C1orf94: variants seen among roughly 807,000 people sequenced by gnomAD.
The protein encoded by C1orf94 is uncharacterized protein C1orf94.
In C1orf94, 45 loss-of-function variants were observed where a neutral mutation model predicts 53.6. The ratio of observed to expected loss-of-function variants is 0.84; its 90% CI spans 0.66 to 1.08. The LOEUF is 1.08. Among genes scored for constraint, C1orf94 ranks in the 50% least tolerant of loss-of-function variants. C1orf94 has a pLI of 0.00. For missense variants in C1orf94, 762 were observed against 738.9 expected, an observed-to-expected ratio of 1.03 and a Z score of -0.36; for synonymous variants, 304 against 296.1, an observed-to-expected ratio of 1.03 and a Z score of -0.27.
At chr1:34,169,634 AGT>A (rs762673582) in intron 1 of C1orf94, among the ~76,000 whole-genome samples, 13,644 of 56,026 alleles carry the variant, frequency 0.24, 1,446 homozygotes, top group Middle Eastern at 0.35. Context: ...AGAGAGAGAG[AGT>A]GAGCAAATGG....
chr1:34,187,491 G>A (rs1265894616), intron 1 of C1orf94, among the ~76,000 whole-genome samples: 1 of 151,978 alleles, frequency 6.6e-6, no homozygotes, highest in Non-Finnish European at 1.5e-5. Flanking sequence ...CGCAGGTTGT[G>A]GGAGCCTGCA....
chr1:34,176,210 C>T (rs1642223339), upstream of C1orf94, among the ~76,000 whole-genome samples: 1 of 152,106 alleles, frequency 6.6e-6, no homozygotes, highest in Non-Finnish European at 1.5e-5. Context: ...AAATGAGTGT[C>T]AGGATTCAAC....
At position 34,219,057 on chromosome 1, in the gene C1orf94, TG is replaced by T. The variant is rs1643040914; in HGVS notation, c.*297del. The T allele has an allele frequency of 8.6e-6, 2 of 233,510 alleles. No homozygotes were observed. Among genetic ancestry groups the T allele is most frequent in the Non-Finnish European group, 1.6e-5 (2 of 121,314 alleles). 14.5% of individuals were successfully genotyped at this position (233,510 alleles called of 1,614,324 possible). ...CATGAGTGATTTTTGTTTTTGTTTT[TG>T]TTGGTAAAATAGAAGTAAGACACTT... On this transcript the variant is annotated 3_prime_UTR_variant, in exon 7 of 7. Coordinates refer to ENST00000488417, the MANE Select transcript of C1orf94 (RefSeq NM_001134734.2).
At chr1:34,199,617 G>A (rs549038744) in intron 2 of C1orf94, among the ~76,000 whole-genome samples, 3 of 152,316 alleles carry the variant, frequency 2.0e-5, no homozygotes, top group East Asian at 3.9e-4. Flanking sequence ...GACAGATCCC[G>A]GTGCCTGCTA....
At chr1:34,174,208 C>G (rs1204310015), upstream of C1orf94, among the ~76,000 whole-genome samples, 1 of 152,194 alleles carries the variant, frequency 6.6e-6, no homozygotes, top group Non-Finnish European at 1.5e-5. Flanking sequence ...CACAATTCTC[C>G]CTCTCTACAC....
chr1:34,173,685 T>C (rs1642181000), upstream of C1orf94, among the ~76,000 whole-genome samples: 1 of 152,224 alleles, frequency 6.6e-6, no homozygotes, highest in Non-Finnish European at 1.5e-5. Flanking sequence ...AGGTCAGTAT[T>C]TTATTGTCTC....
intron 1 of C1orf94, among the ~76,000 whole-genome samples, chr1:34,196,549 A>C (rs995195718): frequency 3.8e-4 from 58 of 152,186 alleles, no homozygotes; most frequent in African/African-American, 1.4e-3. Context: ...ACAGTGGTGT[A>C]AACATGAGAG....
At chr1:34,184,877 G>A (rs1419009622) in intron 1 of C1orf94, among the ~76,000 whole-genome samples, 3 of 152,104 alleles carry the variant, frequency 2.0e-5, no homozygotes, top group South Asian at 2.1e-4. Flanking sequence ...GAAACCTGGT[G>A]ATGGGAGTGA....
At chr1:34,187,867 A>G (rs55852024) in intron 1 of C1orf94, among the ~76,000 whole-genome samples, 49,563 of 148,162 alleles carry the variant, frequency 0.33, 8,559 homozygotes, top group South Asian at 0.47. Context: ...ACATTGTGGG[A>G]AGCAGGGTAT....
chr1:34,209,683 C>G (rs79330640), intron 5 of C1orf94, among the ~76,000 whole-genome samples: 1 of 152,144 alleles, frequency 6.6e-6, no homozygotes, highest in African/African-American at 2.4e-5. Context: ...GGGTAGGGAG[C>G]CTTGTTACCT....
Position 34,217,219 on chromosome 1 carries a change from G to A in C1orf94, c.1722-1467G>A, listed in dbSNP as rs532031148. On this transcript the variant is annotated intron_variant, in intron 6 of 6. Transcript: ENST00000488417. ...CAGGAAGCATTACTTGTTAACTCTC[G>A]TCCACACAGATTGCTCCTCTTCCTG... Among the ~76,000 whole-genome samples the A allele has an allele frequency of 4.0e-3, 611 of 152,218 alleles. 3 individuals are homozygous for A. Among genetic ancestry groups the A allele is most frequent in the Non-Finnish European group, 7.1e-3 (483 of 68,016 alleles).
intron 1 of C1orf94, among the ~76,000 whole-genome samples, chr1:34,194,719 G>C (rs926257345): frequency 6.6e-6 from 1 of 152,156 alleles, no homozygotes. Context: ...TCTGTAAATA[G>C]TATGTATCGC....
chr1:34,177,916 G>GC lies in C1orf94; in HGVS notation c.130dup (p.Leu44ProfsTer25). 1 of 1,551,668 alleles carries GC rather than the reference G, an allele frequency of 6.4e-7. No homozygotes were observed. Among genetic ancestry groups the GC allele is most frequent in the Non-Finnish European group, 8.7e-7 (1 of 1,146,982 alleles). On this transcript the variant is annotated frameshift_variant, in exon 1 of 7. Transcript: ENST00000488417. LOFTEE classifies it high-confidence loss of function. The stretch of plus-strand genomic sequence containing the variant: ...GGCCCTGGTGGCCAAGGGCCCCTGC[G>GC]CCCTGGGCCCATTCCCCAGATACAT...
rs1642830464 is a variant in C1orf94, at chr1:34,208,175, G to T, written c.1465G>T (p.Ala489Ser). ...TCCCCAGGGCCTGTACCCACAGCAG[G>T]CAGCGAGGATGCCCTATCAGCAGGC... The part of the protein sequence containing the change: ...LQYQGLYPQQ[A>S]ARMPYQQALH... Residue 489 changes from alanine (A) to serine (S), a missense_variant, in exon 5 of 7, where the codon GCA becomes TCA. By Grantham distance (99) the Ala-to-Ser change is moderately conservative (BLOSUM62 1). Coordinates refer to ENST00000488417, the MANE Select transcript of C1orf94 (RefSeq NM_001134734.2). 3.1e-6 allele frequency: 5 copies of T among 1,614,138 alleles called. No individual in the cohort carries two copies. The Admixed American group carries it at 8.3e-5, about 27-fold the overall frequency.
At chr1:34,167,116 A>C (rs1460324416) in exon 1 of C1orf94, 2 of 152,324 alleles carry the variant, frequency 1.3e-5, no homozygotes, top group Non-Finnish European at 2.9e-5. Flanking sequence ...CCCGAAAGAG[A>C]GGGCTCAGCC....
Position 34,177,588 on chromosome 1 carries a change from G to T in C1orf94, c.-202G>T. The stretch of plus-strand genomic sequence containing the variant: ...CTTTTAAATATTTTCTTCTAAGGGA[G>T]AGGGGGAGGGAGGCAAAAGTCAGGA... On this transcript the variant is annotated 5_prime_UTR_variant, in exon 1 of 7. Transcript: ENST00000488417. The T allele has an allele frequency of 1.9e-6, 1 of 532,322 alleles. No individual in the cohort carries two copies. The highest frequency in any genetic ancestry group is 3.3e-6 in the Non-Finnish European group (1 of 301,426). The allele number at this position is 532,322 out of a possible 1,614,324, so 33.0% of individuals were successfully genotyped here.
intron 1 of C1orf94, among the ~76,000 whole-genome samples, chr1:34,195,779 GGTGTGTGTGT>G (rs67390104): frequency 1.1e-4 from 16 of 145,168 alleles, no homozygotes; most frequent in Non-Finnish European, 1.8e-4. Flanking sequence ...TCTGTTCGTG[GGTGTGTGTGT>G]GTGTGTGTGT....
chr1:34,181,175 T>C (rs1642307477), intron 1 of C1orf94, among the ~76,000 whole-genome samples: 1 of 152,210 alleles, frequency 6.6e-6, no homozygotes, highest in African/African-American at 2.4e-5. Flanking sequence ...GATACCCCTT[T>C]GGATAGTGAA....
At chr1:34,172,037 A>G (rs1337095368), upstream of C1orf94, among the ~76,000 whole-genome samples, 1 of 152,232 alleles carries the variant, frequency 6.6e-6, no homozygotes, top group Non-Finnish European at 1.5e-5. Flanking sequence ...AGAAGTCTTA[A>G]GTGAATGCAT....
Sources: allele counts gnomAD v4.1 joint callset (sites outside exome capture counted in the v4.1 genomes callset), GRCh38; gene constraint gnomAD v4.1.1; transcripts MANE v1.5; gene names NCBI Gene and HGNC (gene_info 2026-07-23, HGNC 2026-07-21).